The following FAR2 variants were observed in gnomAD, a reference collection of about 807,000 sequenced individuals.
FAR2 encodes fatty acyl-CoA reductase 2.
In FAR2, 19 loss-of-function variants were observed where a neutral mutation model predicts 56.0. The ratio of observed to expected loss-of-function variants is 0.34; its 90% CI spans 0.24 to 0.50. FAR2 has a LOEUF of 0.50. Ranked by LOEUF, FAR2 falls within the 20% of genes least tolerant of loss-of-function variation. The probability of loss-of-function intolerance (pLI) is 0.98; values close to 1 mark genes in which losing one functional copy is unlikely to be tolerated. For synonymous variants in FAR2, 219 were observed against 218.8 expected (o/e 1.00, Z -0.01); for missense variants, 508 against 642.2 (o/e 0.79, Z 2.26).
chr12:29,239,835 T>G (rs1241361388), intron 1 of FAR2, among the ~76,000 whole-genome samples: 1 of 152,186 alleles, frequency 6.6e-6, no homozygotes. Flanking sequence ...GACAGAAATC[T>G]TATTGTTGTA....
intron 1 of FAR2, among the ~76,000 whole-genome samples, chr12:29,163,531 G>A (rs1038748446): frequency 6.6e-6 from 1 of 152,188 alleles, no homozygotes; most frequent in African/African-American, 2.4e-5. Context: ...TCAGATAAAC[G>A]ACTAGATTAT....
intron 1 of FAR2, among the ~76,000 whole-genome samples, chr12:29,182,811 C>T (rs1442337488): frequency 6.6e-6 from 1 of 152,102 alleles, no homozygotes; most frequent in Non-Finnish European, 1.5e-5. Flanking sequence ...GGGATGAGAC[C>T]CTGAGCAGCA....
chr12:29,297,332 C>T, intron 4 of FAR2, 132 bp downstream of exon 4: 2 of 770,860 alleles, frequency 2.6e-6, no homozygotes, highest in Admixed American at 3.0e-5. Context: ...ACGGTGCTAG[C>T]CTTAGCTACC....
chr12:29,266,343 C>A (rs1948515986), intron 1 of FAR2, among the ~76,000 whole-genome samples: 1 of 152,034 alleles, frequency 6.6e-6, no homozygotes, highest in African/African-American at 2.4e-5. Context: ...AGAATGAGAT[C>A]CTGTTATTTG....
intron 1 of FAR2, among the ~76,000 whole-genome samples, chr12:29,188,293 G>A (rs558635728): frequency 1.3e-5 from 2 of 151,908 alleles, no homozygotes; most frequent in East Asian, 1.9e-4. Context: ...CTTTAGCTTC[G>A]GGTCTATCAC....
chr12:29,269,257 G>T (rs1250084145), intron 1 of FAR2, among the ~76,000 whole-genome samples: 1 of 152,134 alleles, frequency 6.6e-6, no homozygotes, highest in East Asian at 1.9e-4. Flanking sequence ...CTCCTTCTCA[G>T]GGATGTTCTT....
intron 1 of FAR2, among the ~76,000 whole-genome samples, chr12:29,264,419 G>A (rs114483392): frequency 6.6e-6 from 1 of 151,910 alleles, no homozygotes; most frequent in Non-Finnish European, 1.5e-5. Flanking sequence ...AACACAACAA[G>A]GATGACCACT....
chr12:29,198,428 C>G (rs571900530), intron 1 of FAR2, among the ~76,000 whole-genome samples: 1 of 152,148 alleles, frequency 6.6e-6, no homozygotes, highest in Non-Finnish European at 1.5e-5. Context: ...AGGGTTTCAC[C>G]ACGTTGGCCA....
intron 1 of FAR2, among the ~76,000 whole-genome samples, chr12:29,213,207 G>A (rs1428787893): frequency 2.6e-5 from 4 of 151,898 alleles, no homozygotes; most frequent in African/African-American, 9.7e-5. Context: ...CCCTTAGCAT[G>A]TGTTTTATTG....
chr12:29,159,999 C>T (rs1474132383), intron 1 of FAR2, among the ~76,000 whole-genome samples: 2 of 152,136 alleles, frequency 1.3e-5, no homozygotes, highest in Non-Finnish European at 2.9e-5. Context: ...GATCAAAAAC[C>T]AACCATCTGC....
chr12:29,232,496 C>T (rs1017425086), intron 1 of FAR2, among the ~76,000 whole-genome samples: 2 of 152,030 alleles, frequency 1.3e-5, no homozygotes, highest in Non-Finnish European at 2.9e-5. Flanking sequence ...ACCTCCTTAC[C>T]TTAACTGAAA....
At chr12:29,175,994 G>A (rs1453347442) in intron 1 of FAR2, among the ~76,000 whole-genome samples, 1 of 152,182 alleles carries the variant, frequency 6.6e-6, no homozygotes, top group East Asian at 1.9e-4. Context: ...AATATCAAAA[G>A]TAAAAGCTAG....
intron 1 of FAR2, among the ~76,000 whole-genome samples, chr12:29,195,421 AC>A (rs1182227651): frequency 6.6e-6 from 1 of 152,202 alleles, no homozygotes; most frequent in East Asian, 1.9e-4. Context: ...CTTCCATGTC[AC>A]CATTTAAAAG....
chr12:29,235,425 T>C (rs1395024904), intron 1 of FAR2, among the ~76,000 whole-genome samples: 3 of 152,170 alleles, frequency 2.0e-5, no homozygotes, highest in Non-Finnish European at 4.4e-5. Flanking sequence ...AATCCTCTTA[T>C]GTATCTCTTG....
At chr12:29,320,916 G>A (rs1949540602) in intron 9 of FAR2, among the ~76,000 whole-genome samples, 1 of 152,098 alleles carries the variant, frequency 6.6e-6, no homozygotes, top group South Asian at 2.1e-4. Flanking sequence ...GTTTTTTGAG[G>A]TCAGTTAAAA....
chr12:29,271,598 T>C (rs1432977658), intron 2 of FAR2, among the ~76,000 whole-genome samples: 1 of 152,204 alleles, frequency 6.6e-6, no homozygotes, highest in Non-Finnish European at 1.5e-5. Flanking sequence ...GCACAGCACA[T>C]TGTAGACTGC....
chr12:29,327,436 G>A (rs1456064934), intron 10 of FAR2, among the ~76,000 whole-genome samples: 9 of 152,198 alleles, frequency 5.9e-5, no homozygotes, highest in South Asian at 4.2e-4. Flanking sequence ...AAAAGAGCCC[G>A]CATTGCCAAG....
intron 1 of FAR2, among the ~76,000 whole-genome samples, chr12:29,156,174 T>A (rs925178625): frequency 1.3e-5 from 2 of 152,102 alleles, no homozygotes; most frequent in Non-Finnish European, 2.9e-5. Flanking sequence ...CGTTTTGAGA[T>A]CTACTGCACA....
Position 29,258,906 on chromosome 12 carries a change from G to A in FAR2, c.-38-11506G>A, listed in dbSNP as rs544669957. Among the ~76,000 whole-genome samples, 12 of 152,292 alleles carry A rather than the reference G, an allele frequency of 7.9e-5. No homozygotes were observed. In the South Asian group the frequency reaches 2.3e-3, roughly 29 times the overall value. On this transcript the variant is annotated intron_variant, in intron 1 of 11. Transcript: ENST00000536681. ...AAAACTTGGTGAAAATGAAAAGTGGGAAGTTTCTCTCTTGAAAAATCTTCC... is the reference window on the plus strand; with the variant it reads ...AAAACTTGGTGAAAATGAAAAGTGGAAAGTTTCTCTCTTGAAAAATCTTCC...
Sources: allele counts gnomAD v4.1 joint callset (sites outside exome capture counted in the v4.1 genomes callset), GRCh38; gene constraint gnomAD v4.1.1; transcripts MANE v1.5; gene names NCBI Gene and HGNC (gene_info 2026-07-23, HGNC 2026-07-21).